The following ERBB2 variants were observed in gnomAD, a reference collection of about 807,000 sequenced individuals.
ERBB2 encodes the protein receptor tyrosine-protein kinase erbB-2.
ERBB2 carries 61 observed loss-of-function variants against 149.0 expected under a neutral mutation model. That is an observed-to-expected ratio of 0.41 (90% CI 0.33 to 0.51). ERBB2 has a LOEUF of 0.51. ERBB2 is among the 20% of genes least tolerant of loss of function. The pLI, the probability that ERBB2 is intolerant of heterozygous loss-of-function variation, is 0.25. For synonymous variants in ERBB2, 633 were observed against 678.8 expected, an observed-to-expected ratio of 0.93 and a Z score of 1.05; for missense variants, 1,205 against 1,655.1, an observed-to-expected ratio of 0.73 and a Z score of 4.72.
intron 1 of ERBB2, among the ~76,000 whole-genome samples, chr17:39,701,415 C>T (rs1424231909): frequency 6.6e-6 from 1 of 152,070 alleles, no homozygotes; most frequent in Non-Finnish European, 1.5e-5. Flanking sequence ...ACCATGCATT[C>T]GAAATCGCTA....
chr17:39,709,939 C>A (rs1000740767), intron 5 of ERBB2, 58 bp downstream of exon 5: 1 of 1,548,324 alleles, frequency 6.5e-7, no homozygotes, highest in Non-Finnish European at 8.9e-7. Context: ...GGGTGGAATG[C>A]AGGTGTCATA....
Position 39,726,550 on chromosome 17 carries a change from C to T in ERBB2, c.2873-12C>T, listed in dbSNP as rs2143129240. ...GCCTGGGACTAGCATGCTGACCTCC[C>T]TCCTGCCCCAGGTTGGATGATTGAC... On this transcript the variant is annotated splice_polypyrimidine_tract_variant and intron_variant, in intron 23 of 26. Transcript: ENST00000269571. This position sits in a 1 kb window ranked among gnomAD's most constrained non-coding sequence, Gnocchi z 5.1. 1 of 1,612,492 alleles carries T rather than the reference C, an allele frequency of 6.2e-7. No individual in the cohort carries two copies. Among genetic ancestry groups the T allele is most frequent in the Non-Finnish European group, 8.5e-7 (1 of 1,178,532 alleles).
intron 7 of ERBB2, among the ~76,000 whole-genome samples, chr17:39,711,227 C>T (rs577121666): frequency 6.6e-6 from 1 of 151,162 alleles, no homozygotes; most frequent in Non-Finnish European, 1.5e-5. Flanking sequence ...AGTCTCGCTC[C>T]ATTGCCCAGG....
At position 39,723,496 on chromosome 17, in the gene ERBB2, T is replaced by A. The variant is rs2059561659; in HGVS notation, c.2085+39T>A. ...AAGTCCTCCCAGCCCGCGTGGGGTC[T>A]GCACCGGCCCCCGGCACTGACCCAC... On this transcript the variant is annotated intron_variant, in intron 17 of 26. Coordinates refer to ENST00000269571, the MANE Select transcript of ERBB2 (RefSeq NM_004448.4). This position sits in a 1 kb window ranked among gnomAD's most constrained non-coding sequence, Gnocchi z 6.2. The A allele has an allele frequency of 6.2e-7, 1 of 1,613,650 alleles. No individual in the cohort carries two copies. Among genetic ancestry groups the A allele is most frequent in the Non-Finnish European group, 8.5e-7 (1 of 1,179,878 alleles).
chr17:39,719,732 G>A, intron 15 of ERBB2, 55 bp from the exon 16 acceptor site: 3 of 1,575,252 alleles, frequency 1.9e-6, no homozygotes, highest in Non-Finnish European at 2.6e-6. Flanking sequence ...GGCTGGAAAG[G>A]TGGTTCCCAA....
chr17:39,694,267 A>ATATGTG (rs1268197240), upstream of ERBB2, among the ~76,000 whole-genome samples: 2 of 25,626 alleles, frequency 7.8e-5, no homozygotes, highest in East Asian at 1.4e-3. Context: ...ATATATATAT[A>ATATGTG]TGTGTGTATA....
At chr17:39,692,468 C>T (rs544866060), upstream of ERBB2, among the ~76,000 whole-genome samples, 272 of 150,294 alleles carry the variant, frequency 1.8e-3, no homozygotes, top group African/African-American at 6.3e-3. Flanking sequence ...TGCAATGGCG[C>T]GATCTTAGCT....
upstream of ERBB2, among the ~76,000 whole-genome samples, chr17:39,691,941 A>ATT (rs2057721138): frequency 7.1e-6 from 1 of 139,862 alleles, no homozygotes; most frequent in Non-Finnish European, 1.5e-5. Flanking sequence ...ATACATATAT[A>ATT]TATATATATA....
chr17:39,715,211 G>C, intron 9 of ERBB2, 75 bp from the exon 10 acceptor site: 4 of 1,247,148 alleles, frequency 3.2e-6, no homozygotes, highest in Non-Finnish European at 4.6e-6. Flanking sequence ...GGTGGGGAGT[G>C]GCTGGCATGG....
At chr17:39,690,389 A>C (rs927222271), upstream of ERBB2, among the ~76,000 whole-genome samples, 1 of 152,194 alleles carries the variant, frequency 6.6e-6, no homozygotes, top group African/African-American at 2.4e-5. Flanking sequence ...CACGGCCATA[A>C]AATATTAATT....
At chr17:39,691,938 T>TACATATACATATAC (rs1428166298), upstream of ERBB2, among the ~76,000 whole-genome samples, 2 of 139,400 alleles carry the variant, frequency 1.4e-5, no homozygotes, top group African/African-American at 5.9e-5. Context: ...CATATACATA[T>TACATATACATATAC]ATATATATAT....
intron 1 of ERBB2, among the ~76,000 whole-genome samples, chr17:39,704,877 G>A (rs915815887): frequency 3.3e-5 from 5 of 152,162 alleles, no homozygotes; most frequent in South Asian, 2.1e-4. Flanking sequence ...CCTGCCCTCC[G>A]TAGAGCCTGT....
upstream of ERBB2, chr17:39,699,838 GA>G (rs2057978751): frequency 3.6e-6 from 2 of 562,904 alleles, no homozygotes; most frequent in Non-Finnish European, 5.9e-6. Flanking sequence ...AAAAGTGTGA[GA>G]ACGGCTGCAG....
At chr17:39,699,460 T>TA (rs148416049), upstream of ERBB2, 54,761 of 1,075,880 alleles carry the variant, frequency 0.051, 14 homozygotes, top group Non-Finnish European at 0.054. Flanking sequence ...AAAGTTCGTT[T>TA]AAAAAAAAAA....
chr17:39,704,271 C>T (rs2058284084), intron 1 of ERBB2, among the ~76,000 whole-genome samples: 1 of 152,136 alleles, frequency 6.6e-6, no homozygotes, highest in Admixed American at 6.6e-5. Flanking sequence ...GAATTAGGAC[C>T]TACCCCCCAG....
chr17:39,700,214 T>C lies in ERBB2; in HGVS notation c.-25T>C, dbSNP rs934989342. ...TCCCAGCCGGGTCCAGCCGGAGCCATGGGGCCGGAGCCGCAGTGAGCACCA... is the reference window on the plus strand; with the variant it reads ...TCCCAGCCGGGTCCAGCCGGAGCCACGGGGCCGGAGCCGCAGTGAGCACCA... On this transcript the variant is annotated 5_prime_UTR_variant, in exon 1 of 27. The change abolishes an upstream ATG in the 5' untranslated region. Coordinates refer to ENST00000269571, the MANE Select transcript of ERBB2 (RefSeq NM_004448.4). 2 of 1,431,288 alleles carry C rather than the reference T, an allele frequency of 1.4e-6. No homozygotes were observed. Among genetic ancestry groups the C allele is most frequent in the Non-Finnish European group, 1.8e-6 (2 of 1,096,810 alleles). 88.7% of individuals were successfully genotyped at this position (1,431,288 alleles called of 1,614,324 possible). A position where few individuals can be genotyped will look rare whatever the true frequency, so the allele number is the denominator to read the frequency against.
intron 1 of ERBB2, 60 bp downstream of exon 1, chr17:39,700,371 G>C (rs1372505348): frequency 5.6e-5 from 69 of 1,235,562 alleles, no homozygotes; most frequent in Non-Finnish European, 6.8e-5. Context: ...TGGATGCCCC[G>C]CCGAGGTCCC....
At position 39,727,872 on chromosome 17, in the gene ERBB2, C is replaced by T; in HGVS notation, c.3596C>T (p.Pro1199Leu). The T allele has an allele frequency of 1.2e-6, 2 of 1,614,080 alleles. No individual in the cohort carries two copies. The highest frequency in any genetic ancestry group is 8.5e-7 in the Non-Finnish European group (1 of 1,179,998). ...GTGGAGAACCCCGAGTACTTGACACCCCAGGGAGGAGCTGCCCCTCAGCCC... is the reference window on the plus strand; with the variant it reads ...GTGGAGAACCCCGAGTACTTGACACTCCAGGGAGGAGCTGCCCCTCAGCCC... ...GAVENPEYLTPQGGAAPQPHP... is the reference protein window; with the variant it reads ...GAVENPEYLTLQGGAAPQPHP... Residue 1199 changes from proline (P) to leucine (L), a missense_variant, in exon 27 of 27, where the codon CCC becomes CTC. Physicochemically the swap from Pro to Leu is moderately conservative, Grantham distance 98 (BLOSUM62 -3). This residue lies in a region of ERBB2 where 312 missense variants were observed against 343.8 expected (regional missense o/e 0.91). Coordinates refer to ENST00000269571, the MANE Select transcript of ERBB2 (RefSeq NM_004448.4). This position sits in a 1 kb window ranked among gnomAD's most constrained non-coding sequence, Gnocchi z 4.3.
At chr17:39,688,153 T>C in exon 1 of ERBB2, 6 of 806,452 alleles carry the variant, frequency 7.4e-6, no homozygotes, top group Non-Finnish European at 1.0e-5. Flanking sequence ...CCCGGATTTT[T>C]GTGGGCGCCT....
Sources: allele counts gnomAD v4.1 joint callset (sites outside exome capture counted in the v4.1 genomes callset), GRCh38; gene constraint gnomAD v4.1.1; regional missense constraint gnomAD v4.1.1; non-coding constraint Gnocchi (gnomAD v3.1); transcripts MANE v1.5; gene names NCBI Gene and HGNC (gene_info 2026-07-23, HGNC 2026-07-21).